Variants in ANK3 observed in about 807,000 individuals in gnomAD.
ANK3 encodes the protein ankyrin 3.
Under a neutral mutation model 370.9 loss-of-function variants are expected in ANK3, and 57 were observed. The ratio of observed to expected loss-of-function variants is 0.15; its 90% CI spans 0.12 to 0.19. The LOEUF is 0.19. ANK3 is among the 10% of genes least tolerant of loss of function. The pLI is 1.00. For synonymous variants in ANK3, 1,929 were observed against 1,946.3 expected, an observed-to-expected ratio of 0.99 and a Z score of 0.23; for missense variants, 4,439 against 5,302.1, an observed-to-expected ratio of 0.84 and a Z score of 5.06.
At chr10:60,441,750 G>A (rs1412109355) in intron 2 of ANK3, among the ~76,000 whole-genome samples, 2 of 152,204 alleles carry the variant, frequency 1.3e-5, no homozygotes, top group East Asian at 1.9e-4. Context: ...AAATTTCAGC[G>A]AAGCACCAGA....
intron 23 of ANK3, among the ~76,000 whole-genome samples, chr10:60,162,748 T>G (rs2095529452): frequency 6.6e-6 from 1 of 152,202 alleles, no homozygotes; most frequent in South Asian, 2.1e-4. Flanking sequence ...TAGAAAATTC[T>G]TCCTAGCAGG....
chr10:60,522,486 G>A (rs2076371411), intron 2 of ANK3, among the ~76,000 whole-genome samples: 1 of 150,956 alleles, frequency 6.6e-6, no homozygotes, highest in Non-Finnish European at 1.5e-5. Context: ...CACAATTGTT[G>A]CTTGTATAAA....
chr10:60,733,128 G>A (rs887066575), intron 1 of ANK3: 2 of 685,610 alleles, frequency 2.9e-6, no homozygotes, highest in African/African-American at 1.9e-5. Flanking sequence ...CCCTCCCGGA[G>A]CCTCGCGGCG....
chr10:60,219,367 T>C (rs1271547646), intron 8 of ANK3, among the ~76,000 whole-genome samples: 3 of 152,104 alleles, frequency 2.0e-5, no homozygotes. Context: ...CTTTATTAGG[T>C]CTTTCATTTT....
chr10:60,076,210 A>C lies in ANK3; in HGVS notation c.4671T>G (p.Thr1557=). 6.2e-7 allele frequency: 1 copy of C among 1,614,196 alleles called. No individual in the cohort carries two copies. The highest frequency in any genetic ancestry group is 1.3e-5 in the African/African-American group (1 of 75,076). The change falls in exon 37 of 44, where the codon ACT becomes ACG. Residue 1557 remains threonine, a synonymous_variant. Coordinates refer to ENST00000280772, the MANE Select transcript of ANK3 (RefSeq NM_020987.5). ...SPIKSTLGAS[T]TSSVKSISDV... is the part of the protein sequence containing the mutation. Reference sequence around the variant, plus strand: ...CACTAATGGATTTAACTGAAGATGTAGTTGACGCGCCTAATGTGGATTTGA... The same window carrying C: ...CACTAATGGATTTAACTGAAGATGTCGTTGACGCGCCTAATGTGGATTTGA...
At chr10:60,247,130 C>G (rs927133184) in intron 7 of ANK3, among the ~76,000 whole-genome samples, 3 of 152,144 alleles carry the variant, frequency 2.0e-5, no homozygotes, top group Non-Finnish European at 4.4e-5. Context: ...ATTCTCCTGC[C>G]TCAGCCTCCC....
chr10:60,553,197 G>A (rs1422548259), intron 2 of ANK3, among the ~76,000 whole-genome samples: 2 of 151,880 alleles, frequency 1.3e-5, no homozygotes, highest in Admixed American at 6.6e-5. Context: ...AAGGGCAAGA[G>A]AGAAGATACT....
chr10:60,116,276 G>C (rs1026284918), intron 25 of ANK3, among the ~76,000 whole-genome samples: 3 of 152,044 alleles, frequency 2.0e-5, no homozygotes, highest in Non-Finnish European at 2.9e-5. Context: ...GCAAAAAATG[G>C]GAAGTCTCTG....
At chr10:60,173,301 G>A in intron 18 of ANK3, 115 bp from the exon 19 acceptor site, 1 of 805,914 alleles carries the variant, frequency 1.2e-6, no homozygotes. Context: ...GCAAAAGTAG[G>A]TTTTTTTCTT....
chr10:60,640,042 A>T (rs1422448107), intron 1 of ANK3, among the ~76,000 whole-genome samples: 1 of 151,042 alleles, frequency 6.6e-6, no homozygotes, highest in Non-Finnish European at 1.5e-5. Context: ...TAACAAAGAC[A>T]AAAAAAAGCC....
intron 5 of ANK3, among the ~76,000 whole-genome samples, chr10:60,268,478 G>A (rs977274658): frequency 3.3e-5 from 5 of 151,972 alleles, no homozygotes; most frequent in African/African-American, 9.7e-5. Flanking sequence ...TTACTAACAG[G>A]TTTCTTTTTT....
At chr10:60,680,408 G>A (rs2079180184) in intron 1 of ANK3, among the ~76,000 whole-genome samples, 1 of 152,264 alleles carries the variant, frequency 6.6e-6, no homozygotes, top group East Asian at 1.9e-4. Flanking sequence ...GGACTGCAGA[G>A]GCCTCCTTTC....
chr10:60,053,071 A>C (rs895032912), intron 42 of ANK3, among the ~76,000 whole-genome samples: 1 of 152,220 alleles, frequency 6.6e-6, no homozygotes, highest in Non-Finnish European at 1.5e-5. Context: ...TATCCTTACA[A>C]GGAGTAAGAA....
intron 7 of ANK3, among the ~76,000 whole-genome samples, chr10:60,254,684 G>C (rs916837504): frequency 6.6e-6 from 1 of 152,122 alleles, no homozygotes; most frequent in African/African-American, 2.4e-5. Flanking sequence ...CATTGGGTTT[G>C]GTGCACTGGT....
At chr10:60,700,289 C>T (rs2079528963) in intron 1 of ANK3, among the ~76,000 whole-genome samples, 2 of 152,146 alleles carry the variant, frequency 1.3e-5, no homozygotes, top group Non-Finnish European at 2.9e-5. Flanking sequence ...CTGCTTATTA[C>T]AGTAAGTTTT....
At chr10:60,713,152 A>G (rs1362974292) in intron 1 of ANK3, among the ~76,000 whole-genome samples, 1 of 152,218 alleles carries the variant, frequency 6.6e-6, no homozygotes, top group Non-Finnish European at 1.5e-5. Flanking sequence ...ACAGCAGAAT[A>G]CACATTCTTC....
Position 60,172,883 on chromosome 10 carries a change from T to C in ANK3, c.2382+17A>G. 3.8e-6 allele frequency: 6 copies of C among 1,577,502 alleles called. No homozygotes were observed. The highest frequency in any genetic ancestry group is 4.4e-6 in the Non-Finnish European group (5 of 1,148,372). On this transcript the variant is annotated intron_variant, in intron 20 of 43. Transcript: ENST00000280772. ...CTATCTCCTCCCTCTTCTCCTGAGCTGGCCCTGAGCGCTTACCACAGTGAG... is the reference window on the plus strand; with the variant it reads ...CTATCTCCTCCCTCTTCTCCTGAGCCGGCCCTGAGCGCTTACCACAGTGAG...
chr10:60,264,166 T>C (rs974660498), intron 5 of ANK3, 146 bp from the exon 6 acceptor site: 9 of 628,346 alleles, frequency 1.4e-5, no homozygotes, highest in Non-Finnish European at 2.4e-5. Context: ...TGGACAGAAA[T>C]GTGAAAGATA....
rs1056047466 is a variant in ANK3 at position 60,733,461 on chromosome 10, G to T, written c.-142C>A. On this transcript the variant is annotated 5_prime_UTR_variant, in exon 1 of 44. Transcript: ENST00000373827. ...CACCAAGCGCGGCCCCGCGACGCCC[G>T]CCCAGCGCGGCCTATCCTCCTCCTG... 48 of 691,328 alleles carry T rather than the reference G, an allele frequency of 6.9e-5. No homozygotes were observed. In the Admixed American group the frequency reaches 2.1e-3, roughly 30 times the overall value. The allele number at this position is 691,328 out of a possible 1,614,324, so 42.8% of individuals were successfully genotyped here. A position where few individuals can be genotyped will look rare whatever the true frequency, so the allele number is the denominator to read the frequency against.
Sources: allele counts gnomAD v4.1 joint callset (sites outside exome capture counted in the v4.1 genomes callset), GRCh38; gene constraint gnomAD v4.1.1; transcripts MANE v1.5; gene names NCBI Gene and HGNC (gene_info 2026-07-23, HGNC 2026-07-21).